The following BTN3A2 variants were observed in gnomAD, a reference collection of about 807,000 sequenced individuals.
The protein encoded by BTN3A2 is butyrophilin subfamily 3 member A2, also known as butyrophilin protein.
Under a neutral mutation model 37.6 loss-of-function variants are expected in BTN3A2, and 25 were observed. The observed-to-expected ratio is 0.66, with a 90% CI of 0.48 to 0.93. The LOEUF is 0.93. Ranked by LOEUF, BTN3A2 falls within the 40% of genes least tolerant of loss-of-function variation. The pLI is 0.00. For missense variants in BTN3A2, 266 were observed against 410.9 expected (o/e 0.65, Z 3.05); for synonymous variants, 122 against 159.4 (o/e 0.77, Z 1.77).
intron 10 of BTN3A2, chr6:26,375,307 A>G (rs1442530403): frequency 3.2e-6 from 1 of 312,658 alleles, no homozygotes; most frequent in Non-Finnish European, 5.9e-6. Context: ...GGTTCCCAAC[A>G]GTGGGGAGCT....
In BTN3A2 at chr6:26,367,946, G is replaced by A. The variant is rs912951917; in HGVS notation, c.-66-44G>A. ...AATATTTTAATATTTTAATGCAGTA[G>A]AGTCAGAGATGTCCTGATCAGATAA... On this transcript the variant is annotated intron_variant, in intron 1 of 10. Coordinates refer to ENST00000377708, the MANE Select transcript of BTN3A2 (RefSeq NM_007047.5). 1.2e-5 allele frequency: 11 copies of A among 924,856 alleles called. No homozygotes were observed. The African/African-American group carries it at 1.7e-4, about 14-fold the overall frequency. 57.3% of individuals were successfully genotyped at this position (924,856 alleles called of 1,614,324 possible). A position where few individuals can be genotyped will look rare whatever the true frequency, so the allele number is the denominator to read the frequency against.
At position 26,373,405 on chromosome 6, in the gene BTN3A2, A is replaced by C. The variant is rs766205182; in HGVS notation, c.956A>C (p.Tyr319Ser). The C allele has an allele frequency of 6.3e-7, 1 of 1,599,388 alleles. No individual in the cohort carries two copies. The change falls in exon 8 of 11, where the codon TAC (tyrosine) becomes TCC (serine). Residue 319 changes from tyrosine (Y) to serine (S), a missense_variant. Transcript: ENST00000377708. ...QEELKRKKIQ[Y>S]LTRGEESSSD... ...ATTGCAGAGAGGAAAAAAATCCAGT[A>C]CTTGACTCGTGAGTGGCTTTGACAT...
At chr6:26,375,292 C>T (rs1235673831) in intron 10 of BTN3A2, 2 of 290,882 alleles carry the variant, frequency 6.9e-6, no homozygotes, top group African/African-American at 2.2e-5. Flanking sequence ...GTGCAGTGCC[C>T]CCATGGTTCC....
At chr6:26,371,893 G>C (rs1334800723) in intron 5 of BTN3A2, among the ~76,000 whole-genome samples, 2 of 152,070 alleles carry the variant, frequency 1.3e-5, no homozygotes, top group East Asian at 3.9e-4. Context: ...TGGCCAGGCT[G>C]GTCTCAAACT....
chr6:26,374,662 T>A, intron 9 of BTN3A2, 109 bp from the exon 10 acceptor site: 1 of 1,268,566 alleles, frequency 7.9e-7, no homozygotes, highest in Non-Finnish European at 1.1e-6. Flanking sequence ...AGCTGGACCC[T>A]GGAAGAGACT....
chr6:26,370,639 A>G (rs770442182), intron 5 of BTN3A2, 36 bp downstream of exon 5: 33 of 1,610,414 alleles, frequency 2.0e-5, no homozygotes, highest in African/African-American at 6.7e-5. Context: ...TTCTGAGCTG[A>G]GCTGTGGCAG....
intron 10 of BTN3A2, chr6:26,375,481 A>AT: frequency 1.5e-6 from 1 of 671,026 alleles, no homozygotes; most frequent in Admixed American, 2.9e-5. Flanking sequence ...AACGGTGTGT[A>AT]TCTCCTTTCT....
In BTN3A2 at chr6:26,368,069, A is replaced by T; in HGVS notation, c.-6+19A>T. The T allele has an allele frequency of 6.4e-7, 1 of 1,559,786 alleles. No individual in the cohort carries two copies. The highest frequency in any genetic ancestry group is 2.3e-5 in the East Asian group (1 of 44,202). ...GGCAGAGGTAAGATCTTCTTCGGTC[A>T]CCATATTTGAGTTAGCCCTGGGGAA... is the stretch of plus-strand genomic sequence containing the variant. On this transcript the variant is annotated intron_variant, in intron 2 of 10. Coordinates refer to ENST00000377708, the MANE Select transcript of BTN3A2 (RefSeq NM_007047.5).
intron 4 of BTN3A2, among the ~76,000 whole-genome samples, chr6:26,369,392 A>G (rs1307062740): frequency 6.6e-6 from 1 of 152,252 alleles, no homozygotes; most frequent in Non-Finnish European, 1.5e-5. Flanking sequence ...GCAGTGAGGA[A>G]GAACACACAT....
At chr6:26,374,435 T>G in intron 9 of BTN3A2, 62 bp downstream of exon 9, 1 of 1,471,738 alleles carries the variant, frequency 6.8e-7, no homozygotes, top group Non-Finnish European at 9.5e-7. Context: ...GACCCGTGGA[T>G]GTTCTCAGCT....
rs775205822 is a variant in BTN3A2 at position 26,373,375 on chromosome 6, A to G, written c.938-12A>G. 96 of 1,595,324 alleles carry G rather than the reference A, an allele frequency of 6.0e-5. No individual in the cohort carries two copies. The highest frequency in any genetic ancestry group is 8.0e-5 in the Non-Finnish European group (94 of 1,175,636). The stretch of plus-strand genomic sequence containing the variant: ...GCACCTTGATGACTCTTCCCTGTTC[A>G]TTCCATTGCAGAGAGGAAAAAAATC... On this transcript the variant is annotated splice_polypyrimidine_tract_variant and intron_variant, in intron 7 of 10. Transcript: ENST00000377708.
chr6:26,373,462 C>G (rs1181974505), intron 8 of BTN3A2, 49 bp downstream of exon 8: 1 of 1,577,218 alleles, frequency 6.3e-7, no homozygotes, highest in East Asian at 2.2e-5. Flanking sequence ...TACTCTCTCT[C>G]TGCTTCATTA....
intron 1 of BTN3A2, among the ~76,000 whole-genome samples, chr6:26,365,842 T>G (rs1048618284): frequency 3.9e-5 from 6 of 152,200 alleles, no homozygotes; most frequent in African/African-American, 1.4e-4. Flanking sequence ...ATTTATAATA[T>G]AGTAAAATCT....
chr6:26,369,357 G>A (rs1759862977), intron 4 of BTN3A2, among the ~76,000 whole-genome samples: 1 of 152,202 alleles, frequency 6.6e-6, no homozygotes, highest in Non-Finnish European at 1.5e-5. Flanking sequence ...TCCTGTAGTA[G>A]AACTAGCTGT....
Position 26,372,928 on chromosome 6 carries a change from C to T in BTN3A2, c.747C>T (p.Ile249=), listed in dbSNP as rs1207565498. Residue 249 remains isoleucine, a synonymous_variant, in exon 6 of 11, where the codon ATC becomes ATT. Transcript: ENST00000377708. ...DPFFRSAQPW[I]AALAGTLPIL... is the part of the protein sequence containing the mutation. ...TCTTCAGGAGCGCCCAGCCCTGGAT[C>T]GCAGCCCTGGCAGGGACCCTGCCTA... 2 of 1,613,898 alleles carry T rather than the reference C, an allele frequency of 1.2e-6. No individual in the cohort carries two copies. Among genetic ancestry groups the T allele is most frequent in the Non-Finnish European group, 8.5e-7 (1 of 1,180,052 alleles).
In BTN3A2 at chr6:26,377,160, A is replaced by AC. The variant is rs1441856109; in HGVS notation, c.*1402dup. ...TGATCATTCCCTGGAGATACCACTG[A>AC]CCCCAGGCTTAGCTAATGAAAGTGG... On this transcript the variant is annotated 3_prime_UTR_variant, in exon 11 of 11. Transcript: ENST00000377708. 2 of 1,266,044 alleles carry AC rather than the reference A, an allele frequency of 1.6e-6. No individual in the cohort carries two copies. The highest frequency in any genetic ancestry group is 2.3e-6 in the Non-Finnish European group (2 of 863,994). The allele number at this position is 1,266,044 out of a possible 1,614,324, so 78.4% of individuals were successfully genotyped here.
intron 2 of BTN3A2, 45 bp downstream of exon 2, chr6:26,368,095 G>A (rs1291428916): frequency 6.3e-7 from 1 of 1,598,248 alleles, no homozygotes; most frequent in Non-Finnish European, 8.5e-7. Context: ...CCCTGGGGAA[G>A]TGGACATTTC....
intron 9 of BTN3A2, 27 bp from the exon 10 acceptor site, chr6:26,374,744 T>C (rs1760539446): frequency 6.6e-6 from 10 of 1,523,254 alleles, no homozygotes; most frequent in Admixed American, 3.5e-5. Context: ...ACTGACCTTT[T>C]TCTTATCTGT....
At position 26,376,232 on chromosome 6, in the gene BTN3A2, A is replaced by AAAAAAG. The variant is rs1554126684; in HGVS notation, c.*474_*475insAGAAAA. ...TGTCTCAAGAAAAAAAAAAAAAAAAAAAAAGAAAAGAAAATTAACCTCTGA... is the reference window on the plus strand; with the variant it reads ...TGTCTCAAGAAAAAAAAAAAAAAAAAAAAAAGAAAAGAAAAGAAAATTAACCTCTGA... On this transcript the variant is annotated 3_prime_UTR_variant, in exon 11 of 11. Coordinates refer to ENST00000377708, the MANE Select transcript of BTN3A2 (RefSeq NM_007047.5). The AAAAAAG allele has an allele frequency of 0.055, 7,427 of 135,630 alleles. 308 individuals carry two copies. The highest frequency in any genetic ancestry group is 0.064 in the Non-Finnish European group (4,381 of 67,946). 8.4% of individuals were successfully genotyped at this position (135,630 alleles called of 1,614,324 possible). A position where few individuals can be genotyped will look rare whatever the true frequency, so the allele number is the denominator to read the frequency against.
Sources: gnomAD v4.1 joint callset for allele counts (sites outside exome capture counted in the v4.1 genomes callset) on GRCh38, gnomAD v4.1.1 for gene constraint, MANE v1.5 for transcripts, NCBI Gene and HGNC (gene_info 2026-07-23, HGNC 2026-07-21) for gene names.